Variants in TNFSF11 observed in about 807,000 individuals in gnomAD.
TNFSF11 encodes the protein tumor necrosis factor ligand superfamily member 11.
Under a neutral mutation model 32.2 loss-of-function variants are expected in TNFSF11, and 12 were observed. The ratio of observed to expected loss-of-function variants is 0.37; its 90% CI spans 0.24 to 0.60. The LOEUF (loss-of-function observed/expected upper bound fraction) is 0.60, where lower values mean the gene tolerates loss of function less well. Ranked by LOEUF, TNFSF11 falls within the 20% of genes least tolerant of loss-of-function variation. The pLI is 0.66. For synonymous variants in TNFSF11, 172 were observed against 152.1 expected, an observed-to-expected ratio of 1.13 and a Z score of -0.96; for missense variants, 345 against 398.0, an observed-to-expected ratio of 0.87 and a Z score of 1.13.
chr13:42,605,542 C>CAATA (rs1869408678), intron 4 of TNFSF11, among the ~76,000 whole-genome samples: 1 of 152,074 alleles, frequency 6.6e-6, no homozygotes, highest in African/African-American at 2.4e-5. Flanking sequence ...ACCAAAGGAC[C>CAATA]TGAAATATGA....
intron 2 of TNFSF11, among the ~76,000 whole-genome samples, chr13:42,596,714 C>T (rs1868829130): frequency 1.3e-5 from 2 of 152,198 alleles, no homozygotes; most frequent in Non-Finnish European, 1.5e-5. Context: ...ATTAAATTTT[C>T]AATACGTGGA....
chr13:42,578,821 C>T (rs191394129), intron 1 of TNFSF11, among the ~76,000 whole-genome samples: 1 of 152,154 alleles, frequency 6.6e-6, no homozygotes, highest in South Asian at 2.1e-4. Context: ...TGCATCAAAT[C>T]AGTAACCATT....
At chr13:42,580,626 A>C (rs1391291665) in intron 1 of TNFSF11, among the ~76,000 whole-genome samples, 1 of 152,200 alleles carries the variant, frequency 6.6e-6, no homozygotes, top group Non-Finnish European at 1.5e-5. Context: ...TGATTAAGGA[A>C]AAAAGGCCAG....
At chr13:42,600,571 T>C (rs1233278826) in intron 2 of TNFSF11, among the ~76,000 whole-genome samples, 181 bp from the exon 3 acceptor site, 1 of 152,210 alleles carries the variant, frequency 6.6e-6, no homozygotes, top group Non-Finnish European at 1.5e-5. Context: ...ACACCAATTC[T>C]TTTGGGGGAA....
In TNFSF11 at chr13:42,574,378, G is replaced by A. The variant is rs766694800; in HGVS notation, c.75G>A (p.Pro25=). The A allele has an allele frequency of 3.5e-5, 54 of 1,544,362 alleles. No homozygotes were observed. The highest frequency in any genetic ancestry group is 4.5e-5 in the Non-Finnish European group (52 of 1,146,524). ...AGATGGGCGGCGGCCCCGGAGCCCC[G>A]CACGAGGGCCCCCTGCACGCCCCGC... ...SEEMGGGPGA[P]HEGPLHAPPP... Residue 25 remains proline (P), a synonymous_variant, in exon 1 of 5, where the codon CCG becomes CCA. Transcript: ENST00000398795.
rs768183509 is a variant in TNFSF11, at chr13:42,600,896, C to T, written c.447C>T (p.Gly149=). Residue 149 remains glycine (G), a synonymous_variant, in exon 4 of 5, where the codon GGC becomes GGT. Transcript: ENST00000398795. ...HIRAEKAMVD[G]SWLDLAKRSK... Reference sequence around the variant, plus strand: ...TCTCATCTCCAGCGATGGTGGATGGCTCATGGTTAGATCTGGCCAAGAGGA... The same window carrying T: ...TCTCATCTCCAGCGATGGTGGATGGTTCATGGTTAGATCTGGCCAAGAGGA... 3 of 1,614,084 alleles carry T rather than the reference C, an allele frequency of 1.9e-6. No homozygotes were observed. The highest frequency in any genetic ancestry group is 1.1e-5 in the South Asian group (1 of 91,060).
chr13:42,573,504 G>A (rs77458205), upstream of TNFSF11, among the ~76,000 whole-genome samples: 1,306 of 152,164 alleles, frequency 8.6e-3, 15 homozygotes, highest in African/African-American at 0.03. Flanking sequence ...CTTGCTTCTG[G>A]CTACACGCCC....
At chr13:42,569,556 A>AG (rs773868547), upstream of TNFSF11, among the ~76,000 whole-genome samples, 1 of 140,088 alleles carries the variant, frequency 7.1e-6, no homozygotes, top group Non-Finnish European at 1.6e-5. Context: ...TCAAAAAAAA[A>AG]AAAAAGAAAA....
chr13:42,575,461 G>C (rs1056498555), intron 1 of TNFSF11, among the ~76,000 whole-genome samples: 1 of 152,150 alleles, frequency 6.6e-6, no homozygotes, highest in Non-Finnish European at 1.5e-5. Context: ...CAGAGGAAGT[G>C]GGGGGCTGAC....
intron 2 of TNFSF11, among the ~76,000 whole-genome samples, chr13:42,599,520 T>A (rs1869049102): frequency 2.0e-5 from 3 of 151,932 alleles, no homozygotes; most frequent in Admixed American, 2.0e-4. Flanking sequence ...CTCTCCAGAG[T>A]GGTTTTTTTT....
At chr13:42,587,664 CT>C (rs1873961448) in intron 2 of TNFSF11, among the ~76,000 whole-genome samples, 1 of 152,140 alleles carries the variant, frequency 6.6e-6, no homozygotes, top group Non-Finnish European at 1.5e-5. Context: ...TGGAATAAAC[CT>C]TGATTGTCAC....
intron 2 of TNFSF11, among the ~76,000 whole-genome samples, chr13:42,583,499 G>T (rs1873734887): frequency 6.7e-6 from 1 of 149,088 alleles, no homozygotes; most frequent in African/African-American, 2.5e-5. Flanking sequence ...CTGCAAGAGT[G>T]GTTCAATACC....
At chr13:42,594,520 A>G (rs1269562286) in intron 2 of TNFSF11, among the ~76,000 whole-genome samples, 1 of 152,226 alleles carries the variant, frequency 6.6e-6, no homozygotes, top group Non-Finnish European at 1.5e-5. Context: ...ATTTACAAAG[A>G]GGGGCGTATC....
At chr13:42,589,433 T>C (rs1874058074) in intron 2 of TNFSF11, among the ~76,000 whole-genome samples, 2 of 152,190 alleles carry the variant, frequency 1.3e-5, no homozygotes, top group South Asian at 4.1e-4. Context: ...TTCCCATAGC[T>C]GAGGGACTTC....
intron 4 of TNFSF11, among the ~76,000 whole-genome samples, chr13:42,604,604 T>C (rs1269211269): frequency 6.6e-6 from 1 of 152,202 alleles, no homozygotes; most frequent in East Asian, 1.9e-4. Flanking sequence ...GCCTGTTTGG[T>C]TCCTACAGCC....
At chr13:42,606,004 A>G (rs1224235092) in intron 4 of TNFSF11, among the ~76,000 whole-genome samples, 1 of 152,184 alleles carries the variant, frequency 6.6e-6, no homozygotes, top group Non-Finnish European at 1.5e-5. Context: ...TTCCTGTCTC[A>G]GTTGCCTTTG....
chr13:42,588,133 G>A (rs1300209465), intron 2 of TNFSF11, among the ~76,000 whole-genome samples: 1 of 152,174 alleles, frequency 6.6e-6, no homozygotes, highest in Admixed American at 6.5e-5. Flanking sequence ...AATAGTTTTG[G>A]AAACTGCAAT....
upstream of TNFSF11, among the ~76,000 whole-genome samples, chr13:42,570,090 G>T (rs1399004457): frequency 6.6e-6 from 1 of 152,008 alleles, no homozygotes; most frequent in Non-Finnish European, 1.5e-5. Context: ...AACCTCTTTG[G>T]TGTTCTCAAA....
At chr13:42,570,602 T>G (rs1873026704), upstream of TNFSF11, among the ~76,000 whole-genome samples, 1 of 152,214 alleles carries the variant, frequency 6.6e-6, no homozygotes, top group South Asian at 2.1e-4. Flanking sequence ...GATAATGACT[T>G]AATTGATTAG....
Sources: allele counts gnomAD v4.1 joint callset (sites outside exome capture counted in the v4.1 genomes callset), GRCh38; gene constraint gnomAD v4.1.1; transcripts MANE v1.5; gene names NCBI Gene and HGNC (gene_info 2026-07-23, HGNC 2026-07-21).